DCC: variants seen among roughly 807,000 people sequenced by gnomAD.
DCC encodes DCC netrin 1 receptor, also known as netrin receptor DCC.
A neutral mutation model predicts 172.5 loss-of-function variants in DCC; 58 were observed. The ratio of observed to expected loss-of-function variants is 0.34; its 90% CI spans 0.27 to 0.42. The LOEUF (loss-of-function observed/expected upper bound fraction) is 0.42. Among genes scored for constraint, DCC ranks in the 10% least tolerant of loss-of-function variants. The pLI, the probability that DCC is intolerant of heterozygous loss-of-function variation, is 1.00. For missense variants in DCC, 1,740 were observed against 1,791.0 expected, an observed-to-expected ratio of 0.97 and a Z score of 0.51; for synonymous variants, 709 against 644.5, an observed-to-expected ratio of 1.10 and a Z score of -1.52.
At chr18:52,591,166 G>A (rs17828515) in intron 1 of DCC, among the ~76,000 whole-genome samples, 5,143 of 152,148 alleles carry the variant, frequency 0.034, 211 homozygotes, top group Admixed American at 0.11. Context: ...ACCTGAGAGG[G>A]CTAATCCAAT....
intron 15 of DCC, among the ~76,000 whole-genome samples, chr18:53,348,266 C>G (rs1176017527): frequency 1.3e-5 from 2 of 152,154 alleles, no homozygotes; most frequent in East Asian, 3.9e-4. Flanking sequence ...GGGCTATAGG[C>G]CCCATGAAAG....
chr18:52,831,504 C>A (rs1422459607), intron 2 of DCC, among the ~76,000 whole-genome samples: 4 of 152,004 alleles, frequency 2.6e-5, no homozygotes, highest in East Asian at 1.9e-4. Flanking sequence ...GTGATGGCAG[C>A]CGAAGTGTTG....
At chr18:52,377,361 A>T (rs1449449410) in intron 1 of DCC, among the ~76,000 whole-genome samples, 1 of 152,158 alleles carries the variant, frequency 6.6e-6, no homozygotes, top group Non-Finnish European at 1.5e-5. Flanking sequence ...TCAGCTTGTT[A>T]TCAGAGGAGT....
At chr18:53,375,299 C>T (rs1348001408) in intron 15 of DCC, among the ~76,000 whole-genome samples, 1 of 152,076 alleles carries the variant, frequency 6.6e-6, no homozygotes, top group East Asian at 1.9e-4. Flanking sequence ...TCTTTGATCC[C>T]TTGCCCTCAC....
At chr18:52,966,780 T>G (rs147394630) in intron 5 of DCC, among the ~76,000 whole-genome samples, 2,047 of 152,288 alleles carry the variant, frequency 0.013, 59 homozygotes, top group African/African-American at 0.047. Flanking sequence ...TTTCTCTGTT[T>G]CAAATCTCTG....
chr18:53,081,999 G>A (rs769041184), intron 7 of DCC, among the ~76,000 whole-genome samples: 13 of 152,166 alleles, frequency 8.5e-5, no homozygotes, highest in Middle Eastern at 3.4e-3. Context: ...GGAGGCCAGC[G>A]ATCAAGAATG....
At chr18:52,803,571 ACATT>A (rs2038033275) in intron 2 of DCC, among the ~76,000 whole-genome samples, 1 of 152,330 alleles carries the variant, frequency 6.6e-6, no homozygotes, top group East Asian at 1.9e-4. Flanking sequence ...TATATTATAT[ACATT>A]TAGAGTATAA....
chr18:52,379,302 A>T (rs1454611893), intron 1 of DCC, among the ~76,000 whole-genome samples: 1 of 152,138 alleles, frequency 6.6e-6, no homozygotes, highest in Non-Finnish European at 1.5e-5. Context: ...GAGAAATCAA[A>T]GTGTAGTAGA....
At chr18:53,201,137 C>G (rs1598900069) in intron 9 of DCC, among the ~76,000 whole-genome samples, 2 of 152,082 alleles carry the variant, frequency 1.3e-5, no homozygotes, top group East Asian at 3.9e-4. Context: ...CCCCAGATAC[C>G]CACTCATCTC....
chr18:53,011,550 T>G (rs2041731019), intron 5 of DCC, among the ~76,000 whole-genome samples: 1 of 151,964 alleles, frequency 6.6e-6, no homozygotes. Context: ...AAAGAAATTT[T>G]TATTGATAAT....
At chr18:52,901,073 TTTTG>T (rs1442480494) in intron 2 of DCC, among the ~76,000 whole-genome samples, 3 of 152,178 alleles carry the variant, frequency 2.0e-5, no homozygotes, top group Non-Finnish European at 4.4e-5. Context: ...TTTGAAATAT[TTTTG>T]TTTATGTCAG....
At chr18:53,017,754 C>T (rs1260131218) in intron 5 of DCC, among the ~76,000 whole-genome samples, 1 of 152,162 alleles carries the variant, frequency 6.6e-6, no homozygotes, top group Admixed American at 6.5e-5. Flanking sequence ...TAAAATTCAT[C>T]CATTGCTAGC....
intron 2 of DCC, among the ~76,000 whole-genome samples, chr18:52,881,293 C>T (rs1237702258): frequency 6.6e-6 from 1 of 151,794 alleles, no homozygotes; most frequent in African/African-American, 2.4e-5. Context: ...TATTTTCTTC[C>T]AATCTGTGGG....
chr18:53,027,499 G>C (rs980122424), intron 5 of DCC, among the ~76,000 whole-genome samples: 1 of 152,086 alleles, frequency 6.6e-6, no homozygotes, highest in African/African-American at 2.4e-5. Flanking sequence ...TAATTTTCAG[G>C]CAGGGAAGCT....
At chr18:53,326,429 G>C (rs1167367770) in intron 14 of DCC, among the ~76,000 whole-genome samples, 1 of 152,124 alleles carries the variant, frequency 6.6e-6, no homozygotes, top group Non-Finnish European at 1.5e-5. Context: ...ACTTTCAACT[G>C]TGATACTTCC....
At chr18:52,858,074 G>A (rs1236983472) in intron 2 of DCC, among the ~76,000 whole-genome samples, 2 of 152,146 alleles carry the variant, frequency 1.3e-5, no homozygotes, top group Non-Finnish European at 1.5e-5. Context: ...AACAATTATT[G>A]TTGTTTTCCA....
chr18:53,093,735 G>C (rs1470548383), intron 7 of DCC, among the ~76,000 whole-genome samples: 3 of 152,208 alleles, frequency 2.0e-5, no homozygotes, highest in Non-Finnish European at 4.4e-5. Flanking sequence ...TGGCATTCAT[G>C]CTTGAGTGTC....
rs1479450736 is a variant in DCC at position 52,497,277 on chromosome 18, AAAAATATATATAT to A, written c.91+156401_91+156413del. Among the ~76,000 whole-genome samples the A allele has an allele frequency of 1.7e-3, 58 of 34,752 alleles. 3 individuals are homozygous for A. Among genetic ancestry groups the A allele is most frequent in the African/African-American group, 6.0e-3 (55 of 9,156 alleles). The allele number at this position is 34,752 out of a possible 152,430, so 22.8% of individuals were successfully genotyped here. A position where few individuals can be genotyped will look rare whatever the true frequency, so the allele number is the denominator to read the frequency against. On this transcript the variant is annotated intron_variant, in intron 1 of 28. Transcript: ENST00000442544. ...CCCTGTATCAAAAAAAAAAAAAAAA[AAAAATATATATAT>A]ATATATATATATATATATATATATA...
intron 7 of DCC, among the ~76,000 whole-genome samples, chr18:53,156,642 C>A (rs2054740360): frequency 6.6e-6 from 1 of 152,126 alleles, no homozygotes; most frequent in Non-Finnish European, 1.5e-5. Flanking sequence ...CTGCCCCCAA[C>A]CTTGTAAAAT....
Sources: allele counts gnomAD v4.1 joint callset (sites outside exome capture counted in the v4.1 genomes callset), GRCh38; gene constraint gnomAD v4.1.1; transcripts MANE v1.5; gene names NCBI Gene and HGNC (gene_info 2026-07-23, HGNC 2026-07-21).